Variants in WDR59 observed in about 807,000 individuals in gnomAD.
WDR59 encodes the protein GATOR2 complex protein WDR59.
A neutral mutation model predicts 131.2 loss-of-function variants in WDR59; 100 were observed. That is an observed-to-expected ratio of 0.76 (90% CI 0.65 to 0.90). The LOEUF (loss-of-function observed/expected upper bound fraction) is 0.90. WDR59 is among the 40% of genes least tolerant of loss of function. The pLI, the probability that WDR59 is intolerant of heterozygous loss-of-function variation, is 0.00. For synonymous variants in WDR59, 601 were observed against 466.2 expected (o/e 1.29, Z -3.72); for missense variants, 1,203 against 1,262.2 (o/e 0.95, Z 0.71).
intron 24 of WDR59, 91 bp downstream of exon 24, chr16:74,886,177 CAA>C (rs777732079): frequency 5.0e-3 from 4,962 of 985,292 alleles, no homozygotes; most frequent in South Asian, 8.9e-3. Context: ...ATTCTGTGTC[CAA>C]AAAAAAAAAA....
rs561810937 is a variant in WDR59 at position 74,945,425 on chromosome 16, T to C, written c.446-2599A>G. 4.0e-5 allele frequency among the ~76,000 whole-genome samples: 6 copies of C among 151,346 alleles called. No individual in the cohort carries two copies. In the East Asian group the frequency reaches 9.8e-4, roughly 25 times the overall value. On this transcript the variant is annotated intron_variant, in intron 6 of 25. Coordinates refer to ENST00000262144, the MANE Select transcript of WDR59 (RefSeq NM_030581.4). Reference sequence around the variant, plus strand: ...CTGGGAGGCAGAGCTTGCGGTGAGCTGAGATCATGCCACTGCACTCCAGCC... The same window carrying C: ...CTGGGAGGCAGAGCTTGCGGTGAGCCGAGATCATGCCACTGCACTCCAGCC...
In WDR59 at chr16:74,964,935, G is replaced by A. The variant is rs566317905; in HGVS notation, c.104+838C>T. ...AAAAATGAGCTGGGCGTGGTGGCAC[G>A]TGCCTATAATCCCAGCTACCTGGGA... On this transcript the variant is annotated intron_variant, in intron 2 of 25. Transcript: ENST00000262144. 2.6e-5 allele frequency among the ~76,000 whole-genome samples: 4 copies of A among 152,166 alleles called. No individual in the cohort carries two copies. The South Asian group carries it at 6.2e-4, about 24-fold the overall frequency.
chr16:74,898,571 G>T (rs551345752), intron 18 of WDR59, among the ~76,000 whole-genome samples: 9 of 152,318 alleles, frequency 5.9e-5, no homozygotes, highest in African/African-American at 2.2e-4. Flanking sequence ...TGGGGGGCAG[G>T]AGGGAGGCAT....
intron 10 of WDR59, among the ~76,000 whole-genome samples, chr16:74,921,162 G>T (rs945830552): frequency 2.6e-5 from 4 of 151,890 alleles, no homozygotes; most frequent in African/African-American, 9.7e-5. Flanking sequence ...TCCTGTCATG[G>T]GGGTTTGTTG....
intron 18 of WDR59, among the ~76,000 whole-genome samples, chr16:74,895,955 G>A (rs566238220): frequency 6.6e-6 from 1 of 152,150 alleles, no homozygotes; most frequent in South Asian, 2.1e-4. Context: ...ACGAGAACAG[G>A]GAAATTACAA....
chr16:74,940,127 C>T (rs1171872014), intron 7 of WDR59, among the ~76,000 whole-genome samples: 3 of 152,068 alleles, frequency 2.0e-5, no homozygotes, highest in South Asian at 4.1e-4. Context: ...GCCTGTAATC[C>T]CAGCACCTTG....
chr16:74,942,689 C>T (rs921938835), intron 7 of WDR59, 49 bp downstream of exon 7: 14 of 1,587,020 alleles, frequency 8.8e-6, no homozygotes, highest in Admixed American at 1.7e-5. Context: ...TCTTCACACC[C>T]TCTGGGAGGG....
intron 10 of WDR59, among the ~76,000 whole-genome samples, chr16:74,919,665 A>G (rs2029977451): frequency 6.6e-6 from 1 of 152,006 alleles, no homozygotes; most frequent in Non-Finnish European, 1.5e-5. Flanking sequence ...CTTAATGATT[A>G]TATGGCTTCC....
intron 8 of WDR59, among the ~76,000 whole-genome samples, chr16:74,935,814 T>C (rs1055061873): frequency 5.9e-5 from 9 of 152,012 alleles, no homozygotes; most frequent in African/African-American, 1.2e-4. Context: ...CTGGCCAACA[T>C]GGTGAAACCC....
At chr16:74,964,754 CA>C (rs998532204) in intron 2 of WDR59, among the ~76,000 whole-genome samples, 1 of 151,338 alleles carries the variant, frequency 6.6e-6, no homozygotes, top group Non-Finnish European at 1.5e-5. Flanking sequence ...CCATGACCAT[CA>C]AAAAAAAATT....
intron 25 of WDR59, among the ~76,000 whole-genome samples, chr16:74,883,872 T>G (rs1163530647): frequency 6.6e-6 from 1 of 152,122 alleles, no homozygotes; most frequent in Non-Finnish European, 1.5e-5. Context: ...AGCCCCAATC[T>G]CTTCTCTGAG....
At chr16:74,922,135 G>C (rs192860182) in intron 9 of WDR59, 32 bp from the exon 10 acceptor site, 3 of 1,612,280 alleles carry the variant, frequency 1.9e-6, no homozygotes, top group East Asian at 4.5e-5. Flanking sequence ...CAGGTGATTA[G>C]ATTATTTCAG....
intron 1 of WDR59, among the ~76,000 whole-genome samples, chr16:74,966,664 TCTC>T (rs1183676050): frequency 6.6e-6 from 1 of 151,840 alleles, no homozygotes; most frequent in African/African-American, 2.4e-5. Context: ...GGCATGGACT[TCTC>T]CTCAAGCCAT....
intron 1 of WDR59, among the ~76,000 whole-genome samples, chr16:74,968,202 G>C (rs1428360593): frequency 1.3e-5 from 2 of 152,110 alleles, no homozygotes; most frequent in African/African-American, 4.8e-5. Context: ...TTTAGAGGAC[G>C]GGGAGACTGA....
chr16:74,938,308 CTCTTTGAGTG>C, intron 7 of WDR59, 42 bp from the exon 8 acceptor site: 1 of 1,347,058 alleles, frequency 7.4e-7, no homozygotes, highest in Admixed American at 2.7e-5. Context: ...TTAGAAAGAA[CTCTTTGAGTG>C]TCTATCACGT....
chr16:74,931,974 A>G (rs2031427462), intron 8 of WDR59, among the ~76,000 whole-genome samples: 1 of 151,252 alleles, frequency 6.6e-6, no homozygotes, highest in African/African-American at 2.4e-5. Flanking sequence ...CTCCTGTGTT[A>G]TAATATCAAC....
intron 8 of WDR59, among the ~76,000 whole-genome samples, chr16:74,930,164 A>C (rs2031249673): frequency 6.6e-6 from 1 of 152,198 alleles, no homozygotes; most frequent in African/African-American, 2.4e-5. Context: ...GTAATAATTT[A>C]TTGTACATTT....
intron 21 of WDR59, 139 bp from the exon 22 acceptor site, chr16:74,888,458 G>A: frequency 1.1e-6 from 1 of 915,312 alleles, no homozygotes; most frequent in Non-Finnish European, 1.6e-6. Flanking sequence ...ATCAGGAAAT[G>A]GGGCTTTCTA....
chr16:74,905,274 T>G (rs182216399), intron 17 of WDR59, among the ~76,000 whole-genome samples: 2,013 of 139,264 alleles, frequency 0.014, 41 homozygotes, highest in African/African-American at 0.051. Flanking sequence ...ACTCGGGAGG[T>G]TGAGGCAGGA....
Sources: allele counts gnomAD v4.1 joint callset (sites outside exome capture counted in the v4.1 genomes callset), GRCh38; gene constraint gnomAD v4.1.1; transcripts MANE v1.5; gene names NCBI Gene and HGNC (gene_info 2026-07-23, HGNC 2026-07-21).